The following BDH2 variants were observed in gnomAD, a reference collection of about 807,000 sequenced individuals.
BDH2 encodes the protein dehydrogenase/reductase SDR family member 6.
A neutral mutation model predicts 33.2 loss-of-function variants in BDH2; 24 were observed. The observed-to-expected ratio is 0.72, with a 90% CI of 0.52 to 1.02. The LOEUF (loss-of-function observed/expected upper bound fraction) is 1.02. BDH2 is among the 50% of genes least tolerant of loss of function. BDH2 has a pLI of 0.00. For synonymous variants in BDH2, 81 were observed against 101.6 expected (o/e 0.80, Z 1.22); for missense variants, 249 against 301.6 (o/e 0.83, Z 1.29).
chr4:103,082,228 C>T (rs1318638635), intron 8 of BDH2, 55 bp from the exon 9 acceptor site: 2 of 1,463,790 alleles, frequency 1.4e-6, no homozygotes, highest in East Asian at 2.3e-5. Flanking sequence ...TATGTGCTCA[C>T]CTGCATCTTG....
At chr4:103,085,272 A>T in intron 7 of BDH2, 77 bp downstream of exon 7, 1 of 1,113,804 alleles carries the variant, frequency 9.0e-7, no homozygotes, top group South Asian at 1.4e-5. Flanking sequence ...AAACAGCCAT[A>T]GGCAATAACA....
Position 103,096,188 on chromosome 4 carries a change from C to G in BDH2, c.67G>C (p.Ala23Pro), listed in dbSNP as rs147784208. The change falls in exon 2 of 10, where the codon GCC (alanine) becomes CCC (proline). Residue 23 changes from alanine (A) to proline (P), a missense_variant. Coordinates refer to ENST00000296424, the MANE Select transcript of BDH2 (RefSeq NM_020139.4). The part of the protein sequence containing the change: ...AAAQGIGQAA[A>P]LAFAREGAKV... The stretch of plus-strand genomic sequence containing the variant: ...GATAGTAACTTATAACTTACTAAGG[C>G]AGCTGCTTGGCCAATCCCCTGAGCA... 2.2e-4 allele frequency: 354 copies of G among 1,611,754 alleles called. No homozygotes were observed. Among genetic ancestry groups the G allele is most frequent in the Non-Finnish European group, 2.5e-4 (290 of 1,178,126 alleles).
intron 7 of BDH2, among the ~76,000 whole-genome samples, chr4:103,084,029 C>T (rs1747651206): frequency 6.6e-6 from 1 of 152,204 alleles, no homozygotes; most frequent in Admixed American, 6.5e-5. Flanking sequence ...CTACAGGCAA[C>T]AGTGTTGATG....
chr4:103,099,106 A>T (rs1328828591), intron 1 of BDH2: 2 of 152,152 alleles, frequency 1.3e-5, no homozygotes, highest in African/African-American at 4.8e-5. Context: ...TCCTCCTTGA[A>T]TCCTAAGCAT....
chr4:103,085,423 G>A lies in BDH2; in HGVS notation c.458C>T (p.Ala153Val). ...NRCVYSTTKA[A>V]VIGLTKSVAA... ...CACAGATTTTGTGAGGCCAATCACG[G>A]CTGCCTTGGTTGTGCTGTACACACA... The change falls in exon 7 of 10, where the codon GCC becomes GTC. Residue 153 changes from alanine (A) to valine (V), a missense_variant. Coordinates refer to ENST00000296424, the MANE Select transcript of BDH2 (RefSeq NM_020139.4). 6.2e-7 allele frequency: 1 copy of A among 1,613,164 alleles called. No homozygotes were observed. Among genetic ancestry groups the A allele is most frequent in the South Asian group, 1.1e-5 (1 of 90,924 alleles).
At chr4:103,087,241 G>T (rs1747837164) in intron 5 of BDH2, among the ~76,000 whole-genome samples, 1 of 152,210 alleles carries the variant, frequency 6.6e-6, no homozygotes, top group Admixed American at 6.5e-5. Context: ...AATGCAGGGT[G>T]TGGAAGCAAT....
intron 6 of BDH2, 119 bp from the exon 7 acceptor site, chr4:103,085,581 C>T (rs537796586): frequency 1.8e-5 from 26 of 1,434,308 alleles, no homozygotes; most frequent in East Asian, 5.0e-5. Context: ...CATTCCTCCC[C>T]TTTTAAAAAG....
rs751851145 is a variant in BDH2 at position 103,085,371 on chromosome 4, G to A, written c.510C>T (p.Ile170=). 3.1e-6 allele frequency: 5 copies of A among 1,611,128 alleles called. No individual in the cohort carries two copies. Among genetic ancestry groups the A allele is most frequent in the Non-Finnish European group, 4.2e-6 (5 of 1,179,374 alleles). ...CACCTGGGCACACACAGTTGCACCT[G>A]ATGCCCTGCTGGATGAAATCTGCAG... ...SVAADFIQQG[I]RCNCVCPGTV... is the part of the protein sequence containing the mutation. The change falls in exon 7 of 10, where the codon ATC becomes ATT. Residue 170 remains isoleucine, a synonymous_variant. Coordinates refer to ENST00000296424, the MANE Select transcript of BDH2 (RefSeq NM_020139.4).
intron 5 of BDH2, among the ~76,000 whole-genome samples, chr4:103,089,014 A>C (rs935235659): frequency 6.6e-6 from 1 of 152,152 alleles, no homozygotes; most frequent in Non-Finnish European, 1.5e-5. Context: ...ACCTCTTCTT[A>C]AAGTATTTTC....
rs1333107018 is a variant in BDH2 at position 103,095,284 on chromosome 4, A to G, written c.73-3T>C. The G allele has an allele frequency of 5.0e-6, 8 of 1,610,788 alleles. No individual in the cohort carries two copies. The highest frequency in any genetic ancestry group is 6.8e-6 in the Non-Finnish European group (8 of 1,177,140). On this transcript the variant is annotated splice_polypyrimidine_tract_variant and splice_region_variant and intron_variant, in intron 2 of 9. Coordinates refer to ENST00000296424, the MANE Select transcript of BDH2 (RefSeq NM_020139.4). Reference sequence around the variant, plus strand: ...TTGGCACCTTCTCTTGCAAAAGCCTAGTAGACACAAAGTACAAATAAATCC... The same window carrying G: ...TTGGCACCTTCTCTTGCAAAAGCCTGGTAGACACAAAGTACAAATAAATCC...
In BDH2 at chr4:103,082,525, A is replaced by G. The variant is rs1157212786; in HGVS notation, c.591+346T>C. ...TTCACACTGTTGTGCCACCATCACC[A>G]CTGTCCATCTCCAGAACTCTTATTT... On this transcript the variant is annotated intron_variant, in intron 8 of 9. Coordinates refer to ENST00000296424, the MANE Select transcript of BDH2 (RefSeq NM_020139.4). 6.6e-5 allele frequency among the ~76,000 whole-genome samples: 10 copies of G among 152,130 alleles called. No individual in the cohort carries two copies. In the East Asian group the frequency reaches 1.7e-3, roughly 26 times the overall value.
chr4:103,095,348 T>C, intron 2 of BDH2, 67 bp from the exon 3 acceptor site: 2 of 1,197,362 alleles, frequency 1.7e-6, no homozygotes, highest in Non-Finnish European at 2.5e-6. Context: ...GAATGGAACA[T>C]CATGTGGTCT....
chr4:103,079,669 C>T lies in BDH2; in HGVS notation c.*33G>A, dbSNP rs761988157. 4 of 1,600,116 alleles carry T rather than the reference C, an allele frequency of 2.5e-6. No individual in the cohort carries two copies. The East Asian group carries it at 6.7e-5, about 27-fold the overall frequency. ...CCAGGTTCACTGTGGATAGGAAGGG[C>T]CTGCCTTCCTTCCCACCATGGAGAT... is the stretch of plus-strand genomic sequence containing the variant. On this transcript the variant is annotated 3_prime_UTR_variant, in exon 10 of 10. Transcript: ENST00000296424.
At chr4:103,095,841 A>G (rs1748377714) in intron 2 of BDH2, among the ~76,000 whole-genome samples, 1 of 152,212 alleles carries the variant, frequency 6.6e-6, no homozygotes, top group Non-Finnish European at 1.5e-5. Context: ...CTGGAGTCAT[A>G]TATCTAAACT....
intron 4 of BDH2, chr4:103,091,864 G>T (rs980169543): frequency 9.3e-6 from 4 of 428,720 alleles, no homozygotes; most frequent in African/African-American, 4.1e-5. Flanking sequence ...AATCAAAATT[G>T]CAAGGAAAAC....
At chr4:103,096,500 C>T (rs979112047) in intron 1 of BDH2, among the ~76,000 whole-genome samples, 4 of 150,622 alleles carry the variant, frequency 2.7e-5, no homozygotes, top group Non-Finnish European at 5.9e-5. Flanking sequence ...CCATAACCCA[C>T]TGAAGTAATG....
chr4:103,079,369 T>C lies in BDH2; in HGVS notation c.*333A>G, dbSNP rs867545673. ...CCTAGCCTCCAGACTGAAAAATAAA[T>C]GTTTGTTGTCTATGACACTCCATCT... On this transcript the variant is annotated 3_prime_UTR_variant, in exon 10 of 10. Transcript: ENST00000296424. 1 of 200,214 alleles carries C rather than the reference T, an allele frequency of 5.0e-6. No homozygotes were observed. The highest frequency in any genetic ancestry group is 2.3e-5 in the African/African-American group (1 of 42,674). 12.4% of individuals were successfully genotyped at this position (200,214 alleles called of 1,614,324 possible).
chr4:103,095,156 T>TA, intron 3 of BDH2, 47 bp downstream of exon 3: 1 of 1,475,976 alleles, frequency 6.8e-7, no homozygotes, highest in South Asian at 1.1e-5. Flanking sequence ...TGCTTTATAA[T>TA]ACCTTGCAGA....
intron 5 of BDH2, 58 bp from the exon 6 acceptor site, chr4:103,086,598 A>T: frequency 6.5e-7 from 1 of 1,534,964 alleles, no homozygotes; most frequent in Non-Finnish European, 8.7e-7. Context: ...CTAAAATACT[A>T]CCTTTTAAAA....
Sources: allele counts gnomAD v4.1 joint callset (sites outside exome capture counted in the v4.1 genomes callset), GRCh38; gene constraint gnomAD v4.1.1; transcripts MANE v1.5; gene names NCBI Gene and HGNC (gene_info 2026-07-23, HGNC 2026-07-21).